The following CHD9 variants were observed in gnomAD, a reference collection of about 807,000 sequenced individuals.
CHD9 encodes the protein ATP-dependent chromatin remodeler CHD9.
Under a neutral mutation model 316.1 loss-of-function variants are expected in CHD9, and 77 were observed. The ratio of observed to expected loss-of-function variants is 0.24; its 90% CI spans 0.20 to 0.29. The LOEUF is 0.29. Ranked by LOEUF, CHD9 falls within the 10% of genes least tolerant of loss-of-function variation. The pLI is 1.00. For synonymous variants in CHD9, 1,129 were observed against 1,158.3 expected (o/e 0.97, Z 0.51); for missense variants, 2,763 against 3,438.1 (o/e 0.80, Z 4.91).
intron 2 of CHD9, among the ~76,000 whole-genome samples, chr16:53,186,371 C>CCCATTTGAAA (rs2044006575): frequency 6.6e-6 from 1 of 152,126 alleles, no homozygotes; most frequent in Non-Finnish European, 1.5e-5. Flanking sequence ...GCCAATTTCT[C>CCCATTTGAAA]CCATTTGAAA....
intron 31 of CHD9, 116 bp downstream of exon 31, chr16:53,304,741 C>T: frequency 1.1e-6 from 1 of 920,614 alleles, no homozygotes; most frequent in Non-Finnish European, 1.5e-6. Context: ...GTTGCCCAGG[C>T]TGGAGTGCAA....
At chr16:53,183,786 A>G (rs1482593463) in intron 2 of CHD9, among the ~76,000 whole-genome samples, 1 of 152,164 alleles carries the variant, frequency 6.6e-6, no homozygotes, top group Non-Finnish European at 1.5e-5. Flanking sequence ...ATACAATGCA[A>G]TACAATGCAA....
chr16:53,187,595 G>C (rs568594451), intron 2 of CHD9, among the ~76,000 whole-genome samples: 3 of 152,042 alleles, frequency 2.0e-5, no homozygotes, highest in African/African-American at 7.2e-5. Context: ...GAATAAAGAA[G>C]AACCAAGGAA....
chr16:53,196,746 A>G (rs12599389), intron 2 of CHD9, among the ~76,000 whole-genome samples: 42,336 of 152,074 alleles, frequency 0.28, 5,990 homozygotes, highest in Middle Eastern at 0.32. Context: ...AAAGACAATG[A>G]TCAGATCCAA....
intron 2 of CHD9, among the ~76,000 whole-genome samples, chr16:53,178,673 G>A (rs1353926621): frequency 1.3e-5 from 2 of 152,090 alleles, no homozygotes; most frequent in South Asian, 2.1e-4. Flanking sequence ...GCCTTGCCCA[G>A]GCTTATCTTG....
chr16:53,279,754 A>G (rs7194949), intron 24 of CHD9, among the ~76,000 whole-genome samples: 45,330 of 152,000 alleles, frequency 0.3, 6,957 homozygotes, highest in Middle Eastern at 0.36. Flanking sequence ...CAGAGTGGGA[A>G]AAAATCTTCA....
rs1597158374 is a variant in CHD9 at position 53,148,395 on chromosome 16, C to T, written c.-164-7531C>T. ...TAGCTGGGACTACAGGCACACGTAC[C>T]CGTCTGGCTTGTTTAACTTTTTGAG... is the stretch of plus-strand genomic sequence containing the variant. On this transcript the variant is annotated intron_variant, in intron 1 of 38. Transcript: ENST00000447540. Among the ~76,000 whole-genome samples, 2 of 152,256 alleles carry T rather than the reference C, an allele frequency of 1.3e-5. 1 individual carries two copies. Among genetic ancestry groups the T allele is most frequent in the South Asian group, 4.2e-4 (2 of 4,814 alleles).
intron 1 of CHD9, among the ~76,000 whole-genome samples, chr16:53,075,068 T>C (rs956198229): frequency 6.6e-6 from 1 of 152,178 alleles, no homozygotes; most frequent in African/African-American, 2.4e-5. Context: ...ACCCACCTCT[T>C]GCATCAGTGT....
chr16:53,322,805 A>G (rs1230600445), intron 38 of CHD9, among the ~76,000 whole-genome samples: 1 of 152,108 alleles, frequency 6.6e-6, no homozygotes. Context: ...TGTTTCAGAA[A>G]GGGAGGTGGG....
intron 2 of CHD9, among the ~76,000 whole-genome samples, chr16:53,187,161 C>A (rs2044087683): frequency 6.6e-6 from 1 of 152,046 alleles, no homozygotes; most frequent in Non-Finnish European, 1.5e-5. Context: ...GTATCAACAA[C>A]AAAGTGATAA....
intron 13 of CHD9, among the ~76,000 whole-genome samples, chr16:53,244,349 C>T (rs988692980): frequency 1.3e-5 from 2 of 151,860 alleles, no homozygotes; most frequent in Admixed American, 6.6e-5. Context: ...CCCACCACCA[C>T]GCCCGGCTAA....
At chr16:53,075,405 G>T (rs2034438843) in intron 1 of CHD9, among the ~76,000 whole-genome samples, 1 of 152,102 alleles carries the variant, frequency 6.6e-6, no homozygotes, top group African/African-American at 2.4e-5. Context: ...TGAAATGTGA[G>T]GTCATGAGAT....
At chr16:53,092,113 T>C (rs1293101969) in intron 1 of CHD9, among the ~76,000 whole-genome samples, 2 of 151,762 alleles carry the variant, frequency 1.3e-5, no homozygotes, top group South Asian at 2.1e-4. Context: ...GGCAAATACT[T>C]CCCCCCCAGC....
intron 1 of CHD9, among the ~76,000 whole-genome samples, chr16:53,080,953 A>G (rs997410196): frequency 3.3e-5 from 5 of 152,188 alleles, no homozygotes; most frequent in African/African-American, 4.8e-5. Context: ...GGGTTTTGCC[A>G]GTCATCTCTG....
At chr16:53,239,537 G>A (rs1030255565) in intron 12 of CHD9, among the ~76,000 whole-genome samples, 4 of 151,976 alleles carry the variant, frequency 2.6e-5, no homozygotes, top group Non-Finnish European at 4.4e-5. Flanking sequence ...CAAAAAAACT[G>A]TACTTTTTAA....
intron 1 of CHD9, among the ~76,000 whole-genome samples, chr16:53,152,183 A>G (rs2041177453): frequency 6.6e-6 from 1 of 152,092 alleles, no homozygotes; most frequent in African/African-American, 2.4e-5. Context: ...TGTAGTGACT[A>G]TATTGGTTGT....
At chr16:53,266,907 A>G (rs1437027446) in intron 20 of CHD9, among the ~76,000 whole-genome samples, 1 of 152,172 alleles carries the variant, frequency 6.6e-6, no homozygotes, top group Non-Finnish European at 1.5e-5. Flanking sequence ...TACCTTTAGA[A>G]TAAACTTAAG....
intron 4 of CHD9, among the ~76,000 whole-genome samples, chr16:53,225,429 A>G (rs2047573049): frequency 1.3e-5 from 2 of 152,124 alleles, no homozygotes. Flanking sequence ...GCCCTTTGGG[A>G]TTTTGAAATT....
chr16:53,138,218 A>G (rs938626563), intron 1 of CHD9, among the ~76,000 whole-genome samples: 1 of 152,202 alleles, frequency 6.6e-6, no homozygotes, highest in African/African-American at 2.4e-5. Flanking sequence ...AAATGATCTT[A>G]AGGTAGTGGG....
Sources: gnomAD v4.1 joint callset for allele counts (sites outside exome capture counted in the v4.1 genomes callset) on GRCh38, gnomAD v4.1.1 for gene constraint, MANE v1.5 for transcripts, NCBI Gene and HGNC (gene_info 2026-07-23, HGNC 2026-07-21) for gene names.